The following RABGAP1L variants were observed in gnomAD, a reference collection of about 807,000 sequenced individuals.
RABGAP1L encodes the protein rab GTPase-activating protein 1-like.
A neutral mutation model predicts 137.7 loss-of-function variants in RABGAP1L; 63 were observed. The observed-to-expected ratio is 0.46, with a 90% CI of 0.37 to 0.56. The LOEUF is 0.56. RABGAP1L is among the 20% of genes least tolerant of loss of function. The pLI, the probability that RABGAP1L is intolerant of heterozygous loss-of-function variation, is 0.00. For synonymous variants in RABGAP1L, 431 were observed against 433.7 expected (o/e 0.99, Z 0.08); for missense variants, 1,095 against 1,244.0 (o/e 0.88, Z 1.80).
intron 13 of RABGAP1L, among the ~76,000 whole-genome samples, chr1:174,464,089 C>T (rs185347735): frequency 1.6e-3 from 238 of 152,240 alleles, no homozygotes; most frequent in Admixed American, 2.9e-3. Flanking sequence ...CATAACTACA[C>T]TTAAAATATG....
intron 13 of RABGAP1L, among the ~76,000 whole-genome samples, chr1:174,501,688 T>A (rs1424868963): frequency 6.6e-6 from 1 of 152,166 alleles, no homozygotes; most frequent in Non-Finnish European, 1.5e-5. Flanking sequence ...TGCATAACAC[T>A]TTACTTTTTG....
intron 13 of RABGAP1L, among the ~76,000 whole-genome samples, chr1:174,615,340 C>G (rs1170948908): frequency 4.6e-5 from 7 of 152,230 alleles, no homozygotes. Context: ...TGGATGTCCA[C>G]TCCAGACCCT....
chr1:174,503,970 TTTTC>T (rs913711322), intron 13 of RABGAP1L, among the ~76,000 whole-genome samples: 1 of 149,276 alleles, frequency 6.7e-6, no homozygotes, highest in African/African-American at 2.4e-5. Context: ...ACTCTTTTTT[TTTTC>T]TTTTCTTTTT....
chr1:174,220,305 C>G lies in RABGAP1L; in HGVS notation c.139-667C>G, dbSNP rs9786955. Among the ~76,000 whole-genome samples, 18 of 152,152 alleles carry G rather than the reference C, an allele frequency of 1.2e-4. No individual in the cohort carries two copies. The East Asian group carries it at 3.1e-3, about 26-fold the overall frequency. Reference sequence around the variant, plus strand: ...CATAATAGACCCGATTTAAATTTACCTATTTTTTCCTTTAGACATGTAAAT... The same window carrying G: ...CATAATAGACCCGATTTAAATTTACGTATTTTTTCCTTTAGACATGTAAAT... On this transcript the variant is annotated intron_variant, in intron 2 of 25. Coordinates refer to ENST00000681986, the MANE Select transcript of RABGAP1L (RefSeq NM_001366446.1).
chr1:174,270,831 TAAAAC>T (rs1674503558), intron 7 of RABGAP1L, among the ~76,000 whole-genome samples: 1 of 152,082 alleles, frequency 6.6e-6, no homozygotes, highest in Non-Finnish European at 1.5e-5. Flanking sequence ...ACATTGTTCT[TAAAAC>T]AAAAAACCAT....
At chr1:174,550,358 A>G (rs1045327869) in intron 13 of RABGAP1L, among the ~76,000 whole-genome samples, 3 of 152,206 alleles carry the variant, frequency 2.0e-5, no homozygotes, top group Non-Finnish European at 4.4e-5. Flanking sequence ...AGTACACATG[A>G]TGTGAAAATC....
chr1:174,616,145 T>A (rs1375438005), intron 13 of RABGAP1L, among the ~76,000 whole-genome samples: 1 of 152,220 alleles, frequency 6.6e-6, no homozygotes, highest in East Asian at 1.9e-4. Flanking sequence ...CAGATGGAAA[T>A]GCAGAAATCA....
chr1:174,866,110 GGAGAGAGAGAGAGAGA>G (rs34712612), intron 19 of RABGAP1L, among the ~76,000 whole-genome samples: 154 of 65,816 alleles, frequency 2.3e-3, no homozygotes, highest in African/African-American at 3.2e-3. Context: ...GGAGGGAGGG[GGAGAGAGAGAGAGAGA>G]GAGAGAGAGA....
intron 13 of RABGAP1L, among the ~76,000 whole-genome samples, chr1:174,618,622 C>T (rs1672137481): frequency 6.6e-6 from 1 of 152,116 alleles, no homozygotes; most frequent in Non-Finnish European, 1.5e-5. Context: ...AAAGGACATC[C>T]ACACCAAAAC....
At chr1:174,987,525 G>T (rs2149397114) in intron 24 of RABGAP1L, among the ~76,000 whole-genome samples, 1 of 152,306 alleles carries the variant, frequency 6.6e-6, no homozygotes, top group East Asian at 1.9e-4. Flanking sequence ...ATGAAAAGAT[G>T]ATCCAAAGTC....
intron 13 of RABGAP1L, among the ~76,000 whole-genome samples, chr1:174,501,479 G>A (rs992555967): frequency 6.6e-6 from 1 of 152,024 alleles, no homozygotes; most frequent in Non-Finnish European, 1.5e-5. Flanking sequence ...ATGAGCCACC[G>A]TGCCTGGCCT....
intron 19 of RABGAP1L, among the ~76,000 whole-genome samples, chr1:174,934,026 G>A (rs1047303991): frequency 3.3e-5 from 5 of 152,236 alleles, no homozygotes; most frequent in African/African-American, 1.2e-4. Flanking sequence ...ATATTTAAAG[G>A]AAGGACCAGA....
intron 19 of RABGAP1L, among the ~76,000 whole-genome samples, chr1:174,925,877 T>G (rs1311428860): frequency 6.1e-5 from 2 of 33,040 alleles, no homozygotes; most frequent in Admixed American, 2.4e-4. Context: ...TTTGTTTTTG[T>G]TTTTTTTTTG....
chr1:174,421,382 G>C (rs917464691), intron 13 of RABGAP1L, among the ~76,000 whole-genome samples: 1 of 152,142 alleles, frequency 6.6e-6, no homozygotes, highest in African/African-American at 2.4e-5. Context: ...CCTATAGCCT[G>C]TTCTCTACAG....
intron 13 of RABGAP1L, among the ~76,000 whole-genome samples, chr1:174,451,497 T>C (rs959029171): frequency 2.0e-5 from 3 of 152,206 alleles, no homozygotes; most frequent in Non-Finnish European, 2.9e-5. Context: ...ATAATAGTTA[T>C]TATTTCCACT....
At chr1:174,194,949 G>A (rs1306954971) in intron 1 of RABGAP1L, among the ~76,000 whole-genome samples, 2 of 152,184 alleles carry the variant, frequency 1.3e-5, no homozygotes, top group Admixed American at 6.5e-5. Context: ...TGATTTTATT[G>A]TTCACTCTTA....
chr1:174,365,572 G>A (rs759496509), intron 11 of RABGAP1L, among the ~76,000 whole-genome samples: 1 of 152,160 alleles, frequency 6.6e-6, no homozygotes, highest in Non-Finnish European at 1.5e-5. Context: ...GTGTGTGGGA[G>A]CTAGCTGAAC....
intron 13 of RABGAP1L, among the ~76,000 whole-genome samples, chr1:174,622,745 C>G (rs957645852): frequency 6.6e-6 from 1 of 152,126 alleles, no homozygotes; most frequent in East Asian, 1.9e-4. Flanking sequence ...AGGAAATATA[C>G]CTAATGCTAA....
At chr1:174,255,174 T>A (rs1183247624) in intron 7 of RABGAP1L, among the ~76,000 whole-genome samples, 1 of 152,206 alleles carries the variant, frequency 6.6e-6, no homozygotes, top group South Asian at 2.1e-4. Context: ...TGTCACCTTT[T>A]TTTCATGAGA....
Sources: allele counts gnomAD v4.1 joint callset (sites outside exome capture counted in the v4.1 genomes callset), GRCh38; gene constraint gnomAD v4.1.1; transcripts MANE v1.5; gene names NCBI Gene and HGNC (gene_info 2026-07-23, HGNC 2026-07-21).